The following CNTN6 variants were observed in gnomAD, a reference collection of about 807,000 sequenced individuals.
CNTN6 encodes contactin-6.
In CNTN6, 137 loss-of-function variants were observed where a neutral mutation model predicts 122.8. The observed-to-expected ratio is 1.12, with a 90% CI of 0.97 to 1.29. The LOEUF is 1.29. Among genes scored for constraint, CNTN6 ranks in the 50% most tolerant of loss-of-function variants. The pLI, the probability that CNTN6 is intolerant of heterozygous loss-of-function variation, is 0.00. For missense variants in CNTN6, 1,634 were observed against 1,223.4 expected, an observed-to-expected ratio of 1.34 and a Z score of -5.01; for synonymous variants, 570 against 426.0, an observed-to-expected ratio of 1.34 and a Z score of -4.16.
intron 7 of CNTN6, among the ~76,000 whole-genome samples, chr3:1,319,279 C>A (rs987712393): frequency 2.0e-5 from 3 of 151,608 alleles, no homozygotes; most frequent in African/African-American, 7.3e-5. Context: ...GTCAGTATTC[C>A]TTTGAATTAT....
chr3:1,303,593 A>G (rs1268484109), intron 7 of CNTN6, among the ~76,000 whole-genome samples: 1 of 152,172 alleles, frequency 6.6e-6, no homozygotes, highest in Non-Finnish European at 1.5e-5. Context: ...CTGTAATTAT[A>G]TAGGAGCCCT....
Position 1,402,383 on chromosome 3 carries a change from G to C in CNTN6, c.2883G>C (p.Glu961Asp). 2 of 1,612,616 alleles carry C rather than the reference G, an allele frequency of 1.2e-6. No homozygotes were observed. The highest frequency in any genetic ancestry group is 1.7e-6 in the Non-Finnish European group (2 of 1,179,084). The change falls in exon 22 of 23, where the codon GAG (glutamate) becomes GAC (aspartate). Residue 961 changes from glutamate to aspartate, a missense_variant. Glu to Asp is a conservative substitution (Grantham distance 45). Coordinates refer to ENST00000446702, the MANE Select transcript of CNTN6 (RefSeq NM_001289080.2). Reference sequence around the variant, plus strand: ...TGGAAACAAACAATACATCAGCTGAGCTTCTGGTTCCATTTGAAGAAGACT... The same window carrying C: ...TGGAAACAAACAATACATCAGCTGACCTTCTGGTTCCATTTGAAGAAGACT... Reference protein sequence around the residue: ...HILETNNTSAELLVPFEEDYL... With the variant: ...HILETNNTSADLLVPFEEDYL...
At chr3:1,282,257 T>C (rs1438367289) in intron 5 of CNTN6, among the ~76,000 whole-genome samples, 1 of 139,788 alleles carries the variant, frequency 7.2e-6, no homozygotes, top group African/African-American at 2.5e-5. Context: ...AGGCCTTCTG[T>C]GGATGCTTTC....
chr3:1,400,983 A>C lies in CNTN6; in HGVS notation c.2705-450A>C, dbSNP rs535622981. Among the ~76,000 whole-genome samples the C allele has an allele frequency of 4.1e-4, 62 of 152,250 alleles. No homozygotes were observed. In the South Asian group the frequency reaches 0.012, roughly 30 times the overall value. ...AAATATCTTGAGTTAGTTGTGTTAC[A>C]GTTAGAAAGCTAACTAATACAATGT... On this transcript the variant is annotated intron_variant, in intron 20 of 22. Transcript: ENST00000446702.
At chr3:1,196,115 T>C (rs1435161100) in intron 2 of CNTN6, among the ~76,000 whole-genome samples, 1 of 152,220 alleles carries the variant, frequency 6.6e-6, no homozygotes, top group African/African-American at 2.4e-5. Flanking sequence ...TCCTTTAACC[T>C]TGGTGACTGA....
chr3:1,211,469 A>G (rs967241163), intron 2 of CNTN6, among the ~76,000 whole-genome samples: 2 of 152,270 alleles, frequency 1.3e-5, no homozygotes, highest in Middle Eastern at 3.4e-3. Flanking sequence ...TCTATGGTTT[A>G]TTTAAAGCTA....
At chr3:1,292,754 C>G (rs1559730317) in intron 5 of CNTN6, among the ~76,000 whole-genome samples, 5 of 152,076 alleles carry the variant, frequency 3.3e-5, no homozygotes. Flanking sequence ...TCCATTTACA[C>G]AAAAAATGCA....
intron 2 of CNTN6, among the ~76,000 whole-genome samples, chr3:1,168,256 G>A (rs990169092): frequency 2.0e-5 from 3 of 151,388 alleles, no homozygotes; most frequent in African/African-American, 4.9e-5. Flanking sequence ...TCCAGAAGCC[G>A]ACTTTCAGAA....
At chr3:1,097,381 A>AAATG (rs1200272751) in intron 1 of CNTN6, among the ~76,000 whole-genome samples, 1 of 152,258 alleles carries the variant, frequency 6.6e-6, no homozygotes, top group Non-Finnish European at 1.5e-5. Context: ...TTAAATGAAT[A>AAATG]AATGAATGAA....
At chr3:1,301,889 A>G (rs958928401) in intron 7 of CNTN6, among the ~76,000 whole-genome samples, 2 of 152,230 alleles carry the variant, frequency 1.3e-5, no homozygotes, top group East Asian at 1.9e-4. Context: ...AGAATTTTAT[A>G]TATGCTTGCC....
intron 2 of CNTN6, among the ~76,000 whole-genome samples, chr3:1,173,865 T>C (rs1304613917): frequency 2.0e-5 from 3 of 152,132 alleles, no homozygotes; most frequent in Non-Finnish European, 4.4e-5. Flanking sequence ...AGAGCAATGA[T>C]GTACCTCTCG....
chr3:1,317,177 C>G (rs893541970), intron 7 of CNTN6, among the ~76,000 whole-genome samples: 1 of 151,820 alleles, frequency 6.6e-6, no homozygotes, highest in Non-Finnish European at 1.5e-5. Flanking sequence ...CCGCAAAATG[C>G]ATTTGATTAG....
rs1011469969 is a variant in CNTN6, at chr3:1,342,321, G to A, written c.1365-10003G>A. Among the ~76,000 whole-genome samples, 20 of 152,000 alleles carry A rather than the reference G, an allele frequency of 1.3e-4. 1 individual carries two copies. The highest frequency in any genetic ancestry group is 2.1e-4 in the Non-Finnish European group (14 of 67,994). ...ATTTTTGTATTTTTAGTAGGGAAGG[G>A]GTTTCACCATGTTGTTCAGGCTGGT... On this transcript the variant is annotated intron_variant, in intron 11 of 22. Transcript: ENST00000446702.
At chr3:1,341,385 CCTT>C (rs1297094283) in intron 11 of CNTN6, among the ~76,000 whole-genome samples, 5 of 152,088 alleles carry the variant, frequency 3.3e-5, no homozygotes, top group African/African-American at 7.2e-5. Context: ...TTTATCTTTC[CCTT>C]CTTCTACTGA....
At chr3:1,266,225 A>C (rs372876051) in intron 4 of CNTN6, among the ~76,000 whole-genome samples, 7 of 152,152 alleles carry the variant, frequency 4.6e-5, no homozygotes, top group African/African-American at 1.7e-4. Context: ...ACCATAATGC[A>C]TGCAAGGGTC....
chr3:1,346,797 C>T (rs929583199), intron 11 of CNTN6, among the ~76,000 whole-genome samples: 2 of 152,134 alleles, frequency 1.3e-5, no homozygotes, highest in Admixed American at 1.3e-4. Flanking sequence ...AACACAAAAT[C>T]TGATGCACAT....
intron 2 of CNTN6, among the ~76,000 whole-genome samples, chr3:1,220,390 G>A (rs2094191352): frequency 6.6e-6 from 1 of 152,104 alleles, no homozygotes; most frequent in Middle Eastern, 3.4e-3. Context: ...AATGGGAAAT[G>A]GGACCTGAAG....
intron 5 of CNTN6, among the ~76,000 whole-genome samples, chr3:1,294,401 T>A (rs904275156): frequency 8.5e-5 from 13 of 152,162 alleles, no homozygotes; most frequent in African/African-American, 2.9e-4. Flanking sequence ...AGAAATAATC[T>A]ATGATGATAG....
chr3:1,302,391 A>G (rs778001057), intron 7 of CNTN6, among the ~76,000 whole-genome samples: 5 of 152,122 alleles, frequency 3.3e-5, no homozygotes, highest in Non-Finnish European at 7.4e-5. Context: ...AAAATCAAAT[A>G]TTTTTTTCTT....
Sources: allele counts gnomAD v4.1 joint callset (sites outside exome capture counted in the v4.1 genomes callset), GRCh38; gene constraint gnomAD v4.1.1; transcripts MANE v1.5; gene names NCBI Gene and HGNC (gene_info 2026-07-23, HGNC 2026-07-21).